The following DACH1 variants were observed in gnomAD, a reference collection of about 807,000 sequenced individuals.
DACH1 encodes the protein dachshund family transcription factor 1.
A neutral mutation model predicts 54.2 loss-of-function variants in DACH1; 12 were observed. The ratio of observed to expected loss-of-function variants is 0.22; its 90% CI spans 0.14 to 0.36. The LOEUF (loss-of-function observed/expected upper bound fraction) is 0.36, where lower values mean the gene tolerates loss of function less well. Among genes scored for constraint, DACH1 ranks in the 10% least tolerant of loss-of-function variants. The probability of loss-of-function intolerance (pLI) is 1.00; values close to 1 mark genes in which losing one functional copy is unlikely to be tolerated. For synonymous variants in DACH1, 386 were observed against 366.2 expected (o/e 1.05, Z -0.62); for missense variants, 805 against 929.8 (o/e 0.87, Z 1.75).
chr13:71,582,236 G>T (rs1052144400), intron 3 of DACH1, among the ~76,000 whole-genome samples: 6 of 152,106 alleles, frequency 3.9e-5, no homozygotes, highest in African/African-American at 1.2e-4. Context: ...AAGTTACACA[G>T]ATTATAATAA....
intron 10 of DACH1, among the ~76,000 whole-genome samples, chr13:71,452,543 C>T (rs1183643424): frequency 6.6e-6 from 1 of 152,178 alleles, no homozygotes. Context: ...ACCCTTTCTA[C>T]TATCCACATA....
intron 2 of DACH1, among the ~76,000 whole-genome samples, chr13:71,643,693 C>G (rs964221519): frequency 2.0e-5 from 3 of 151,876 alleles, no homozygotes; most frequent in African/African-American, 7.3e-5. Context: ...AATAAATGAA[C>G]CTTTATTGCC....
chr13:71,771,404 C>A (rs1445063122), intron 1 of DACH1, among the ~76,000 whole-genome samples: 1 of 151,358 alleles, frequency 6.6e-6, no homozygotes, highest in East Asian at 1.9e-4. Context: ...AGCTGAGATA[C>A]AAGTCGGCCA....
chr13:71,738,541 C>A (rs1594159891), intron 1 of DACH1, among the ~76,000 whole-genome samples: 1 of 151,416 alleles, frequency 6.6e-6, no homozygotes, highest in African/African-American at 2.4e-5. Context: ...ACCAGCCTGA[C>A]CAATATTATG....
At chr13:71,462,745 T>C (rs1876190375) in intron 10 of DACH1, among the ~76,000 whole-genome samples, 1 of 151,980 alleles carries the variant, frequency 6.6e-6, no homozygotes, top group Non-Finnish European at 1.5e-5. Context: ...ATCTTTGTTT[T>C]ACAGATTAGG....
At chr13:71,542,727 T>A (rs896567905) in intron 6 of DACH1, among the ~76,000 whole-genome samples, 1 of 152,088 alleles carries the variant, frequency 6.6e-6, no homozygotes, top group East Asian at 1.9e-4. Flanking sequence ...AGAAAATATA[T>A]AAACTCTAAT....
rs564565497 is a variant in DACH1 at position 71,535,564 on chromosome 13, T to G, written c.1570+21460A>C. Among the ~76,000 whole-genome samples the G allele has an allele frequency of 2.0e-5, 3 of 152,056 alleles. No individual in the cohort carries two copies. In the South Asian group the frequency reaches 6.2e-4, roughly 32 times the overall value. ...AAATTCCTTCAGCAGTTCAAAGGGT[T>G]AAAAAAGGTTTAAATAAAGTCAGGC... On this transcript the variant is annotated intron_variant, in intron 6 of 10. Coordinates refer to ENST00000613252, the MANE Select transcript of DACH1 (RefSeq NM_080759.6).
intron 6 of DACH1, among the ~76,000 whole-genome samples, chr13:71,495,398 T>C (rs141324589): frequency 1.3e-5 from 2 of 152,080 alleles, no homozygotes; most frequent in Admixed American, 1.3e-4. Flanking sequence ...TTAATAAATG[T>C]CCATCACAAA....
chr13:71,734,184 C>T (rs1462635686), intron 1 of DACH1, among the ~76,000 whole-genome samples: 1 of 77,492 alleles, frequency 1.3e-5, no homozygotes, highest in African/African-American at 6.1e-5. Context: ...ATATGTATAT[C>T]CCATATACGT....
intron 6 of DACH1, among the ~76,000 whole-genome samples, chr13:71,498,966 T>C (rs73521208): frequency 0.014 from 2,186 of 152,240 alleles, 60 homozygotes; most frequent in African/African-American, 0.05. Context: ...AAATCCATCA[T>C]TATCTTAGCA....
intron 10 of DACH1, among the ~76,000 whole-genome samples, chr13:71,444,048 G>A (rs948995854): frequency 6.6e-5 from 10 of 151,984 alleles, no homozygotes; most frequent in African/African-American, 2.4e-4. Context: ...ATAATTATTT[G>A]TGGTTTCAGC....
intron 3 of DACH1, among the ~76,000 whole-genome samples, chr13:71,619,720 T>G (rs181219144): frequency 6.5e-4 from 99 of 152,050 alleles, no homozygotes; most frequent in African/African-American, 2.3e-3. Context: ...GAAGCTGAAA[T>G]GTAGGAGGGA....
intron 1 of DACH1, among the ~76,000 whole-genome samples, chr13:71,808,825 T>C (rs992982180): frequency 1.3e-5 from 2 of 152,190 alleles, no homozygotes; most frequent in African/African-American, 4.8e-5. Context: ...ATAATTTGTC[T>C]AAACTGTCTA....
chr13:71,610,017 C>A (rs529982605), intron 3 of DACH1, among the ~76,000 whole-genome samples: 1 of 151,984 alleles, frequency 6.6e-6, no homozygotes, highest in East Asian at 1.9e-4. Flanking sequence ...ACCTAATATT[C>A]AACTTTGTTC....
At chr13:71,654,458 GTAAAA>G (rs58963611) in intron 2 of DACH1, among the ~76,000 whole-genome samples, 10,611 of 70,848 alleles carry the variant, frequency 0.15, 902 homozygotes, top group African/African-American at 0.16. Flanking sequence ...ATAAAATAAA[GTAAAA>G]TAAAATAAAA....
rs545473588 is a variant in DACH1, at chr13:71,752,438, T to C, written c.849-70528A>G. 2.0e-5 allele frequency among the ~76,000 whole-genome samples: 3 copies of C among 152,110 alleles called. No homozygotes were observed. The South Asian group carries it at 6.2e-4, about 32-fold the overall frequency. The stretch of plus-strand genomic sequence containing the variant: ...ACTTTTAAAATTGCATTTAAATTCC[T>C]ACAAACCAGGAAATTCTCTCTCTTT... On this transcript the variant is annotated intron_variant, in intron 1 of 10. Coordinates refer to ENST00000613252, the MANE Select transcript of DACH1 (RefSeq NM_080759.6).
At chr13:71,487,063 C>A (rs538109430) in intron 7 of DACH1, among the ~76,000 whole-genome samples, 29 of 152,020 alleles carry the variant, frequency 1.9e-4, no homozygotes, top group Middle Eastern at 3.4e-3. Context: ...GCTGGCCAGG[C>A]TGGTCTCGAA....
chr13:71,474,614 A>T (rs1360511741), intron 10 of DACH1, among the ~76,000 whole-genome samples: 3 of 152,156 alleles, frequency 2.0e-5, no homozygotes, highest in Non-Finnish European at 4.4e-5. Flanking sequence ...TACTCAGCAG[A>T]TTTGTGTTAT....
chr13:71,659,846 T>G lies in DACH1; in HGVS notation c.964+21949A>C, dbSNP rs1030170181. Among the ~76,000 whole-genome samples the G allele has an allele frequency of 2.0e-5, 3 of 152,162 alleles. 1 individual carries two copies. The highest frequency in any genetic ancestry group is 7.2e-5 in the African/African-American group (3 of 41,454). ...CCCTTGAAGTGGAAAATATCTTTAA[T>G]GGACATTGGCTGTCTGATTTTACAG... On this transcript the variant is annotated intron_variant, in intron 2 of 10. Transcript: ENST00000613252.
Sources: allele counts gnomAD v4.1 joint callset (sites outside exome capture counted in the v4.1 genomes callset), GRCh38; gene constraint gnomAD v4.1.1; transcripts MANE v1.5; gene names NCBI Gene and HGNC (gene_info 2026-07-23, HGNC 2026-07-21).